Variants in DRG2 observed in about 807,000 individuals in gnomAD.
The protein encoded by DRG2 is developmentally-regulated GTP-binding protein 2.
Under a neutral mutation model 53.4 loss-of-function variants are expected in DRG2, and 36 were observed. That is an observed-to-expected ratio of 0.67 (90% confidence interval 0.52 to 0.89). The LOEUF (loss-of-function observed/expected upper bound fraction) is 0.89, where lower values mean the gene tolerates loss of function less well. Among genes scored for constraint, DRG2 ranks in the 40% least tolerant of loss-of-function variants. The probability of loss-of-function intolerance (pLI) is 0.00; values close to 1 mark genes in which losing one functional copy is unlikely to be tolerated. For missense variants in DRG2, 342 were observed against 481.2 expected (o/e 0.71, Z 2.71); for synonymous variants, 167 against 192.1 (o/e 0.87, Z 1.08).
chr17:18,090,009 A>C (rs1175331655), intron 1 of DRG2, among the ~76,000 whole-genome samples: 1 of 151,994 alleles, frequency 6.6e-6, no homozygotes, highest in Non-Finnish European at 1.5e-5. Flanking sequence ...GTAATATTCC[A>C]TATTACCCAT....
At chr17:18,094,634 C>T (rs745607739) in intron 2 of DRG2, among the ~76,000 whole-genome samples, 22 of 151,984 alleles carry the variant, frequency 1.4e-4, no homozygotes, top group African/African-American at 1.9e-4. Flanking sequence ...TATGGGCGGC[C>T]GAAAGGACCC....
At position 18,107,203 on chromosome 17, in the gene DRG2, T is replaced by C. The variant is rs749415985; in HGVS notation, c.1058T>C (p.Met353Thr). 1.2e-6 allele frequency: 2 copies of C among 1,613,426 alleles called. No individual in the cohort carries two copies. The highest frequency in any genetic ancestry group is 3.3e-5 in the Admixed American group (2 of 60,020). The part of the protein sequence containing the change: ...SPQRVGLTHT[M>T]EHEDVIQIVK... ...CAGCGGGTGGGCCTGACCCACACCA[T>C]GGAGCATGAGGACGTCATCCAGATC... Residue 353 changes from methionine to threonine, a missense_variant, in exon 13 of 13, where the codon ATG becomes ACG. By Grantham distance (81) the Met-to-Thr change is moderately conservative. Transcript: ENST00000225729.
chr17:18,099,814 C>A lies in DRG2; in HGVS notation c.467+91C>A. Reference sequence around the variant, plus strand: ...TACTAGGCGGCCTGTGGGTGTTTGGCTCTCTCACACGTGAGAGTAGTGGTA... The same window carrying A: ...TACTAGGCGGCCTGTGGGTGTTTGGATCTCTCACACGTGAGAGTAGTGGTA... On this transcript the variant is annotated intron_variant, in intron 5 of 12. Coordinates refer to ENST00000225729, the MANE Select transcript of DRG2 (RefSeq NM_001388.5). The surrounding 1 kb of genome is among the most constrained non-coding windows in gnomAD (Gnocchi z 4.4). 1 of 1,301,650 alleles carries A rather than the reference C, an allele frequency of 7.7e-7. No individual in the cohort carries two copies. Among genetic ancestry groups the A allele is most frequent in the Non-Finnish European group, 1.1e-6 (1 of 928,630 alleles). 80.6% of individuals were successfully genotyped at this position (1,301,650 alleles called of 1,614,324 possible). A position where few individuals can be genotyped will look rare whatever the true frequency, so the allele number is the denominator to read the frequency against.
Position 18,098,199 on chromosome 17 carries a change from C to T in DRG2, c.226-71C>T. The T allele has an allele frequency of 1.5e-6, 2 of 1,371,758 alleles. No individual in the cohort carries two copies. The highest frequency in any genetic ancestry group is 1.8e-4 in the Middle Eastern group (1 of 5,422). 85.0% of individuals were successfully genotyped at this position (1,371,758 alleles called of 1,614,324 possible). On this transcript the variant is annotated intron_variant, in intron 2 of 12. Transcript: ENST00000225729. The surrounding 1 kb of genome is among the most constrained non-coding windows in gnomAD (Gnocchi z 4.1). ...TCCTGCTGCCTGCACCTGCAGGCCCCCAGCCCCTGGGGCCTCTCCCAGAAG... is the reference window on the plus strand; with the variant it reads ...TCCTGCTGCCTGCACCTGCAGGCCCTCAGCCCCTGGGGCCTCTCCCAGAAG...
At chr17:18,106,374 G>C in intron 11 of DRG2, 59 bp from the exon 12 acceptor site, 1 of 1,602,164 alleles carries the variant, frequency 6.2e-7, no homozygotes, top group Non-Finnish European at 8.6e-7. Context: ...GTGCAGCCAA[G>C]CTTGGGATGG....
chr17:18,101,896 C>G, intron 8 of DRG2, 25 bp from the exon 9 acceptor site: 1 of 1,601,688 alleles, frequency 6.2e-7, no homozygotes, highest in South Asian at 1.1e-5. Context: ...GTCCTCAGCA[C>G]CGGCCTCCAC....
At chr17:18,102,565 G>T (rs1445125416) in intron 9 of DRG2, among the ~76,000 whole-genome samples, 1 of 149,664 alleles carries the variant, frequency 6.7e-6, no homozygotes, top group African/African-American at 2.5e-5. Context: ...AGGTTGCAGT[G>T]AGCCGAGATC....
intron 1 of DRG2, among the ~76,000 whole-genome samples, chr17:18,090,390 ATATATATATATATATATTTTTTTT>A (rs2045304078): frequency 1.9e-4 from 2 of 10,526 alleles, no homozygotes; most frequent in African/African-American, 1.4e-3. Context: ...ATATATATAT[ATATATATATATATATATTTTTTTT>A]TTTTTTTTTT....
intron 11 of DRG2, 93 bp downstream of exon 11, chr17:18,104,774 G>A: frequency 6.3e-7 from 1 of 1,591,556 alleles, no homozygotes; most frequent in South Asian, 1.1e-5. Flanking sequence ...CTGGGGGTGG[G>A]CTCTGCTGGT....
chr17:18,100,537 G>A lies in DRG2; in HGVS notation c.541-32G>A. On this transcript the variant is annotated intron_variant, in intron 6 of 12. Coordinates refer to ENST00000225729, the MANE Select transcript of DRG2 (RefSeq NM_001388.5). The surrounding 1 kb of genome is among the most constrained non-coding windows in gnomAD (Gnocchi z 4.1). Reference sequence around the variant, plus strand: ...GACCATTGCTGTGACCCCTCGGTCAGCAGTTCTCCCCATCCCTTTCTCCTC... The same window carrying A: ...GACCATTGCTGTGACCCCTCGGTCAACAGTTCTCCCCATCCCTTTCTCCTC... 1 of 1,613,874 alleles carries A rather than the reference G, an allele frequency of 6.2e-7. No homozygotes were observed. Among genetic ancestry groups the A allele is most frequent in the Non-Finnish European group, 8.5e-7 (1 of 1,179,712 alleles).
chr17:18,088,710 G>C (rs2045260738), intron 1 of DRG2, among the ~76,000 whole-genome samples: 1 of 152,214 alleles, frequency 6.6e-6, no homozygotes, highest in African/African-American at 2.4e-5. Context: ...CACATGGTGA[G>C]CACTCAGTAT....
chr17:18,088,407 G>A (rs1192604961), intron 1 of DRG2, among the ~76,000 whole-genome samples: 3 of 152,236 alleles, frequency 2.0e-5, no homozygotes, highest in Non-Finnish European at 2.9e-5. Flanking sequence ...GTCTCCTGAT[G>A]GCTGGGCCTG....
Position 18,099,640 on chromosome 17 carries a change from C to T in DRG2, c.384C>T (p.Gly128=). ...GIIEGAAQGK[G]RGRQVIAVAR... is the part of the protein sequence containing the mutation. ...TCCCTCACACCCATCCAGGAAAAGG[C>T]CGTGGCCGGCAGGTGATCGCTGTGG... Residue 128 remains glycine, a synonymous_variant, in exon 5 of 13, where the codon GGC becomes GGT. Transcript: ENST00000225729. This position sits in a 1 kb window ranked among gnomAD's most constrained non-coding sequence, Gnocchi z 4.4. 2 of 1,603,972 alleles carry T rather than the reference C, an allele frequency of 1.2e-6. No individual in the cohort carries two copies. The highest frequency in any genetic ancestry group is 1.1e-5 in the South Asian group (1 of 88,642).
intron 2 of DRG2, 25 bp downstream of exon 2, chr17:18,093,998 CG>C (rs763441308): frequency 6.3e-7 from 1 of 1,596,400 alleles, no homozygotes; most frequent in South Asian, 1.1e-5. Flanking sequence ...GTGTGGGCCT[CG>C]GGGAGGAAAG....
chr17:18,093,920 A>C lies in DRG2; in HGVS notation c.172A>C (p.Met58Leu). Residue 58 changes from methionine to leucine, a missense_variant, in exon 2 of 13, where the codon ATG becomes CTG. Coordinates refer to ENST00000225729, the MANE Select transcript of DRG2 (RefSeq NM_001388.5). ...ASSKGEGFDV[M>L]KSGDARVALI... is the part of the protein sequence containing the mutation. Reference sequence around the variant, plus strand: ...GTCCAAAGGAGAGGGCTTTGATGTCATGAAGTCGGGTGATGCCCGTGTGGC... The same window carrying C: ...GTCCAAAGGAGAGGGCTTTGATGTCCTGAAGTCGGGTGATGCCCGTGTGGC... 1 of 1,614,216 alleles carries C rather than the reference A, an allele frequency of 6.2e-7. No homozygotes were observed. The highest frequency in any genetic ancestry group is 8.5e-7 in the Non-Finnish European group (1 of 1,180,028).
intron 1 of DRG2, among the ~76,000 whole-genome samples, chr17:18,090,371 TA>T (rs1370836386): frequency 0.082 from 659 of 8,012 alleles, 54 homozygotes; most frequent in South Asian, 0.15. Flanking sequence ...GGCTAATTTA[TA>T]TATATATATA....
chr17:18,104,449 G>A (rs1328305528), intron 10 of DRG2, 174 bp from the exon 11 acceptor site: 4 of 1,352,084 alleles, frequency 3.0e-6, no homozygotes, highest in East Asian at 2.5e-5. Flanking sequence ...GATCAAGGTC[G>A]TAGAAGATGG....
In DRG2 at chr17:18,103,159, C is replaced by T. The variant is rs370852113; in HGVS notation, c.807-642C>T. 4.2e-4 allele frequency among the ~76,000 whole-genome samples: 64 copies of T among 152,210 alleles called. No homozygotes were observed. The East Asian group carries it at 8.5e-3, about 20-fold the overall frequency. ...CTTTGAGGGGCTGCCATCCTCAGGG[C>T]GTGAGAGCTTCTACACCTTTACCTG... On this transcript the variant is annotated intron_variant, in intron 9 of 12. Coordinates refer to ENST00000225729, the MANE Select transcript of DRG2 (RefSeq NM_001388.5). This position sits in a 1 kb window ranked among gnomAD's most constrained non-coding sequence, Gnocchi z 4.4.
rs376149860 is a variant in DRG2, at chr17:18,101,912, C to T, written c.730-9C>T. On this transcript the variant is annotated splice_polypyrimidine_tract_variant and intron_variant, in intron 8 of 12. Coordinates refer to ENST00000225729, the MANE Select transcript of DRG2 (RefSeq NM_001388.5). Reference sequence around the variant, plus strand: ...TCCTCAGCACCGGCCTCCACCTTCTCAATCTCAGGTTTATAACAAAATCGA... The same window carrying T: ...TCCTCAGCACCGGCCTCCACCTTCTTAATCTCAGGTTTATAACAAAATCGA... 22 of 1,609,018 alleles carry T rather than the reference C, an allele frequency of 1.4e-5. No homozygotes were observed. The highest frequency in any genetic ancestry group is 1.8e-5 in the Non-Finnish European group (21 of 1,177,274).
Sources: gnomAD v4.1 joint callset for allele counts (sites outside exome capture counted in the v4.1 genomes callset) on GRCh38, gnomAD v4.1.1 for gene constraint, Gnocchi (gnomAD v3.1) non-coding constraint, MANE v1.5 for transcripts, NCBI Gene and HGNC (gene_info 2026-07-23, HGNC 2026-07-21) for gene names.